FCHO2: variants seen among roughly 807,000 people sequenced by gnomAD.
The protein encoded by FCHO2 is FCH and mu domain containing endocytic adaptor 2.
A neutral mutation model predicts 114.1 loss-of-function variants in FCHO2; 43 were observed. The ratio of observed to expected loss-of-function variants is 0.38; its 90% CI spans 0.30 to 0.49. The LOEUF (loss-of-function observed/expected upper bound fraction) is 0.49. Among genes scored for constraint, FCHO2 ranks in the 20% least tolerant of loss-of-function variants. The pLI is 0.97. For missense variants in FCHO2, 807 were observed against 950.4 expected (o/e 0.85, Z 1.98); for synonymous variants, 293 against 315.2 (o/e 0.93, Z 0.75).
chr5:73,061,007 C>CA (rs202006082), intron 17 of FCHO2, among the ~76,000 whole-genome samples: 22,367 of 129,264 alleles, frequency 0.17, 1,887 homozygotes, highest in East Asian at 0.37. Context: ...CTTGTGCTCA[C>CA]AAAAAAAAAA....
intron 18 of FCHO2, among the ~76,000 whole-genome samples, chr5:73,066,416 G>C (rs992354578): frequency 1.3e-5 from 2 of 151,720 alleles, no homozygotes; most frequent in Non-Finnish European, 2.9e-5. Flanking sequence ...TGTCCTTATG[G>C]TTTCTTAGCA....
intron 10 of FCHO2, among the ~76,000 whole-genome samples, chr5:73,038,767 T>G (rs1756659578): frequency 2.6e-5 from 4 of 152,218 alleles, no homozygotes; most frequent in Admixed American, 6.5e-5. Flanking sequence ...GCAAATGTCT[T>G]TCTTGAGCAT....
chr5:72,996,884 G>C, intron 5 of FCHO2: 1 of 1,478,898 alleles, frequency 6.8e-7, no homozygotes, highest in South Asian at 1.2e-5. Flanking sequence ...CGGGGCCGGC[G>C]GGGCCGGCAG....
Position 73,063,940 on chromosome 5 carries a change from A to C in FCHO2, c.1445A>C (p.Glu482Ala), listed in dbSNP as rs1757954710. The C allele has an allele frequency of 1.2e-6, 2 of 1,607,958 alleles. No homozygotes were observed. Among genetic ancestry groups the C allele is most frequent in the East Asian group, 4.5e-5 (2 of 44,744 alleles). Residue 482 changes from glutamate (E) to alanine (A), a missense_variant, in exon 18 of 26, where the codon GAA (glutamate) becomes GCA (alanine). By Grantham distance (107) the Glu-to-Ala change is moderately radical. Coordinates refer to ENST00000430046, the MANE Select transcript of FCHO2 (RefSeq NM_138782.3). ...LTSGKLSGIN[E>A]IPRPFSPPVT... Reference sequence around the variant, plus strand: ...TCAGGCAAACTCAGTGGGATTAATGAAATAGTATGTACTCAGGTTTTTTAA... The same window carrying C: ...TCAGGCAAACTCAGTGGGATTAATGCAATAGTATGTACTCAGGTTTTTTAA...
chr5:72,981,649 A>G (rs1461910110), intron 2 of FCHO2, among the ~76,000 whole-genome samples: 1 of 152,092 alleles, frequency 6.6e-6, no homozygotes, highest in Non-Finnish European at 1.5e-5. Context: ...GTTCCTTTTC[A>G]TTCTTTTTTC....
intron 18 of FCHO2, among the ~76,000 whole-genome samples, chr5:73,068,353 C>A (rs1389667285): frequency 6.6e-6 from 1 of 151,972 alleles, no homozygotes; most frequent in South Asian, 2.1e-4. Flanking sequence ...TTGGGAAGAA[C>A]GTTTATACTG....
intron 2 of FCHO2, among the ~76,000 whole-genome samples, chr5:72,972,445 C>T (rs1347010635): frequency 6.6e-6 from 1 of 152,114 alleles, no homozygotes; most frequent in Non-Finnish European, 1.5e-5. Flanking sequence ...TCCTAGGTAT[C>T]TTATTCTCTT....
At chr5:73,021,627 A>G (rs1755631536) in intron 8 of FCHO2, among the ~76,000 whole-genome samples, 2 of 152,176 alleles carry the variant, frequency 1.3e-5, no homozygotes, top group African/African-American at 4.8e-5. Flanking sequence ...TTTCTCCATC[A>G]AAAGTGCCAG....
intron 20 of FCHO2, among the ~76,000 whole-genome samples, chr5:73,075,294 G>A (rs559322344): frequency 6.6e-6 from 1 of 152,234 alleles, no homozygotes; most frequent in South Asian, 2.1e-4. Flanking sequence ...CTTTTTTGAG[G>A]TTAATTTAAG....
chr5:73,084,869 C>T (rs1321468397), intron 24 of FCHO2, among the ~76,000 whole-genome samples: 1 of 152,152 alleles, frequency 6.6e-6, no homozygotes, highest in Non-Finnish European at 1.5e-5. Context: ...TTGACTTTAA[C>T]CCTAGCTATT....
In FCHO2 at chr5:73,048,938, G is replaced by A. The variant is rs955089004; in HGVS notation, c.940-2411G>A. Among the ~76,000 whole-genome samples, 16 of 144,354 alleles carry A rather than the reference G, an allele frequency of 1.1e-4. 1 individual carries two copies. Among genetic ancestry groups the A allele is most frequent in the Admixed American group, 9.2e-4 (13 of 14,180 alleles). The allele number at this position is 144,354 out of a possible 152,430, so 94.7% of individuals were successfully genotyped here. A position where few individuals can be genotyped will look rare whatever the true frequency, so the allele number is the denominator to read the frequency against. On this transcript the variant is annotated intron_variant, in intron 11 of 25. Transcript: ENST00000430046. ...GTCGCCCAGGCTGGAGTGCAGTGGC[G>A]CGATCTCGGCTCACTGCAAGCTCCG...
chr5:73,021,078 G>T, intron 8 of FCHO2: 1 of 858,260 alleles, frequency 1.2e-6, no homozygotes, highest in Non-Finnish European at 2.0e-6. Flanking sequence ...CTGGAAAGAA[G>T]ACATTGATGA....
intron 5 of FCHO2, chr5:72,997,626 A>G (rs1754193892): frequency 1.4e-6 from 2 of 1,444,040 alleles, no homozygotes; most frequent in Non-Finnish European, 9.7e-7. Context: ...CGCAACCTTC[A>G]CCAGTATAGG....
chr5:73,010,964 G>T (rs1390205079), intron 6 of FCHO2, among the ~76,000 whole-genome samples: 1 of 150,682 alleles, frequency 6.6e-6, no homozygotes, highest in Non-Finnish European at 1.5e-5. Flanking sequence ...CTGGCTATAT[G>T]GTTTAGTCTG....
chr5:72,990,450 G>A (rs1470289252), intron 3 of FCHO2, 28 bp from the exon 4 acceptor site: 11 of 1,466,876 alleles, frequency 7.5e-6, no homozygotes, highest in Non-Finnish European at 1.0e-5. Context: ...CTTTTAATAA[G>A]TTATTCCCAT....
In FCHO2 at chr5:72,990,609, C is replaced by G; in HGVS notation, c.332C>G (p.Ser111Cys). The G allele has an allele frequency of 4.6e-6, 7 of 1,531,856 alleles. No homozygotes were observed. Among genetic ancestry groups the G allele is most frequent in the Non-Finnish European group, 6.1e-6 (7 of 1,144,360 alleles). The allele number at this position is 1,531,856 out of a possible 1,614,324, so 94.9% of individuals were successfully genotyped here. ...AAGTATGGAGAAGAACAAGTAAAGT[C>G]TCATAAAAAGGTATCAGTTTTTTTC... is the stretch of plus-strand genomic sequence containing the variant. ...VQKYGEEQVK[S>C]HKKTKEEVAG... Residue 111 changes from serine to cysteine, a missense_variant, in exon 4 of 26, where the codon TCT (serine) becomes TGT (cysteine). Ser to Cys is a moderately radical substitution (Grantham distance 112, BLOSUM62 -1). Coordinates refer to ENST00000430046, the MANE Select transcript of FCHO2 (RefSeq NM_138782.3).
intron 2 of FCHO2, among the ~76,000 whole-genome samples, chr5:72,978,993 T>G (rs1224724216): frequency 6.6e-6 from 1 of 152,156 alleles, no homozygotes; most frequent in Non-Finnish European, 1.5e-5. Context: ...TTTTGATGTG[T>G]TGCTGGATTC....
intron 21 of FCHO2, among the ~76,000 whole-genome samples, chr5:73,077,887 A>G (rs1404004221): frequency 1.3e-5 from 2 of 152,102 alleles, no homozygotes; most frequent in Non-Finnish European, 2.9e-5. Flanking sequence ...TTGAAATAAT[A>G]ATATTCAATT....
At chr5:73,045,212 T>C in intron 11 of FCHO2, among the ~76,000 whole-genome samples, 1 of 152,206 alleles carries the variant, frequency 6.6e-6, no homozygotes, top group Admixed American at 6.5e-5. Flanking sequence ...ACATTTTCAT[T>C]AGCACAACAA....
Sources: gnomAD v4.1 joint callset for allele counts (sites outside exome capture counted in the v4.1 genomes callset) on GRCh38, gnomAD v4.1.1 for gene constraint, MANE v1.5 for transcripts, NCBI Gene and HGNC (gene_info 2026-07-23, HGNC 2026-07-21) for gene names.